TPRA1: variants seen among roughly 807,000 people sequenced by gnomAD.
TPRA1 encodes the protein transmembrane protein adipocyte associated 1.
A neutral mutation model predicts 40.1 loss-of-function variants in TPRA1; 28 were observed. The observed-to-expected ratio is 0.70, with a 90% confidence interval of 0.52 to 0.96. The LOEUF is 0.96. Ranked by LOEUF, TPRA1 falls within the 40% of genes least tolerant of loss-of-function variation. The pLI, the probability that TPRA1 is intolerant of heterozygous loss-of-function variation, is 0.00. For synonymous variants in TPRA1, 219 were observed against 209.7 expected (o/e 1.04, Z -0.38); for missense variants, 441 against 482.6 (o/e 0.91, Z 0.81).
At chr3:127,593,837 C>A (rs2107677971), upstream of TPRA1, among the ~76,000 whole-genome samples, 1 of 152,362 alleles carries the variant, frequency 6.6e-6, no homozygotes, top group South Asian at 2.1e-4. Flanking sequence ...CAGGGGCCAT[C>A]TGATCACCAC....
Position 127,573,415 on chromosome 3 carries a change from G to C in TPRA1, c.*106C>G. On this transcript the variant is annotated 3_prime_UTR_variant, in exon 11 of 11. Transcript: ENST00000355552. ...TCATGGTGGGAACAGGGCCACACAG[G>C]GCTACTGCCCACAGAACGTCCCTTG... The C allele has an allele frequency of 7.1e-7, 1 of 1,416,514 alleles. No individual in the cohort carries two copies. Among genetic ancestry groups the C allele is most frequent in the Non-Finnish European group, 9.4e-7 (1 of 1,067,556 alleles). 87.7% of individuals were successfully genotyped at this position (1,416,514 alleles called of 1,614,324 possible). A position where few individuals can be genotyped will look rare whatever the true frequency, so the allele number is the denominator to read the frequency against.
chr3:127,589,387 T>G (rs902660287), intron 1 of TPRA1, among the ~76,000 whole-genome samples: 1 of 149,038 alleles, frequency 6.7e-6, no homozygotes, highest in Non-Finnish European at 1.5e-5. Context: ...CACCGACGGG[T>G]TGTTGAGCTT....
intron 1 of TPRA1, among the ~76,000 whole-genome samples, chr3:127,589,286 T>C (rs2074095189): frequency 6.6e-6 from 1 of 152,058 alleles, no homozygotes. Context: ...CAGCTTTCCC[T>C]GCTCTCTCAT....
intron 1 of TPRA1, among the ~76,000 whole-genome samples, chr3:127,596,148 C>T (rs569368759): frequency 5.3e-5 from 8 of 151,948 alleles, no homozygotes; most frequent in South Asian, 2.1e-4. Context: ...GGCACAATTT[C>T]GGCTCACCGC....
intron 1 of TPRA1, among the ~76,000 whole-genome samples, chr3:127,588,888 C>T: frequency 6.6e-6 from 1 of 152,184 alleles, no homozygotes; most frequent in East Asian, 1.9e-4. Context: ...GGTCAGTCCT[C>T]AGCCTTCTCT....
At chr3:127,575,091 A>G in intron 10 of TPRA1, 94 bp downstream of exon 10, 1 of 1,402,172 alleles carries the variant, frequency 7.1e-7, no homozygotes, top group Non-Finnish European at 1.0e-6. Context: ...CTGTATGCAT[A>G]CACAGCCTCT....
intron 1 of TPRA1, among the ~76,000 whole-genome samples, chr3:127,584,059 A>G (rs576536427): frequency 6.6e-6 from 1 of 151,842 alleles, no homozygotes; most frequent in East Asian, 1.9e-4. Flanking sequence ...CACGGAACAG[A>G]GCAGACAAGG....
intron 1 of TPRA1, among the ~76,000 whole-genome samples, chr3:127,596,497 C>T (rs1411341670): frequency 1.3e-5 from 2 of 152,210 alleles, no homozygotes; most frequent in Admixed American, 1.3e-4. Flanking sequence ...TTGTTGGTGT[C>T]TCTTAACTGT....
In TPRA1 at chr3:127,575,422, C is replaced by T. The variant is rs748327009; in HGVS notation, c.754G>A (p.Asp252Asn). Reference sequence around the variant, plus strand: ...ACGCACCAGAGCCCCTCGATGATGTCGAAGCACAGCAGCACACTCCCCAGC... The same window carrying T: ...ACGCACCAGAGCCCCTCGATGATGTTGAAGCACAGCAGCACACTCCCCAGC... ...QGLGSVLLCF[D>N]IIEGLCCVDA... Residue 252 changes from aspartate (D) to asparagine (N), a missense_variant, in exon 9 of 11, where the codon GAC (aspartate) becomes AAC (asparagine). Transcript: ENST00000355552. The T allele has an allele frequency of 1.3e-6, 2 of 1,596,148 alleles. No individual in the cohort carries two copies. The highest frequency in any genetic ancestry group is 1.1e-5 in the South Asian group (1 of 88,840).
intron 1 of TPRA1, chr3:127,580,561 C>T (rs953989727): frequency 1.1e-5 from 2 of 178,470 alleles, no homozygotes; most frequent in East Asian, 3.1e-4. Context: ...TGTGTCCCCC[C>T]ACCATGGAAT....
upstream of TPRA1, chr3:127,595,556 C>G (rs1290933830): frequency 6.6e-6 from 1 of 152,348 alleles, no homozygotes; most frequent in African/African-American, 2.4e-5. Flanking sequence ...CAGATGACCT[C>G]TGGGCAGCCA....
At position 127,573,717 on chromosome 3, in the gene TPRA1, G is replaced by A. The variant is rs766402480; in HGVS notation, c.926C>T (p.Pro309Leu). ...CCGCCGGGCCACAGCGTAGGGCTGG[G>A]GTAGGTGTACATCTGGCTCCTCTGT... is the stretch of plus-strand genomic sequence containing the variant. ...DETEEPDVHL[P>L]QPYAVARREG... Residue 309 changes from proline (P) to leucine (L), a missense_variant, in exon 11 of 11, where the codon CCC (proline) becomes CTC (leucine). Physicochemically the swap from Pro to Leu is moderately conservative, Grantham distance 98. Coordinates refer to ENST00000355552, the MANE Select transcript of TPRA1 (RefSeq NM_001136053.4). 3.7e-6 allele frequency: 6 copies of A among 1,611,830 alleles called. No individual in the cohort carries two copies. In the African/African-American group the frequency reaches 4.0e-5, roughly 11 times the overall value.
rs923643997 is a variant in TPRA1, at chr3:127,572,400, T to C, written c.*1121A>G. 2.0e-5 allele frequency among the ~76,000 whole-genome samples: 3 copies of C among 152,198 alleles called. No individual in the cohort carries two copies. The highest frequency in any genetic ancestry group is 4.8e-5 in the African/African-American group (2 of 41,460). ...AACTGGCAGCAACTCCCTTTCACTC[T>C]GGCTGCCAAAAAGCTCAAAGCCGAA... On this transcript the variant is annotated 3_prime_UTR_variant, in exon 11 of 11. Transcript: ENST00000355552.
chr3:127,595,269 A>G (rs2074230143), upstream of TPRA1, among the ~76,000 whole-genome samples: 1 of 152,114 alleles, frequency 6.6e-6, no homozygotes, highest in Admixed American at 6.5e-5. Context: ...CAGTGTTTAA[A>G]CATGTCCAAG....
In TPRA1 at chr3:127,580,031, C is replaced by T; in HGVS notation, c.116G>A (p.Gly39Asp). 2 of 1,613,696 alleles carry T rather than the reference C, an allele frequency of 1.2e-6. No homozygotes were observed. Among genetic ancestry groups the T allele is most frequent in the East Asian group, 4.5e-5 (2 of 44,872 alleles). ...GTTGTGACTGCCTCACCTGGAGGTG[C>T]CAATGTCTTCGTAGAGCAGCAGCAG... is the stretch of plus-strand genomic sequence containing the variant. Reference protein sequence around the residue: ...RCLLLLYEDIGTSRVRYWDLL... With the variant: ...RCLLLLYEDIDTSRVRYWDLL... The change falls in exon 2 of 11, where the codon GGC (glycine) becomes GAC (aspartate). Residue 39 changes from glycine to aspartate, a missense_variant. Coordinates refer to ENST00000355552, the MANE Select transcript of TPRA1 (RefSeq NM_001136053.4).
At position 127,576,072 on chromosome 3, in the gene TPRA1, GAGGA is replaced by G; in HGVS notation, c.499-26_499-23del. 1 of 1,567,732 alleles carries G rather than the reference GAGGA, an allele frequency of 6.4e-7. No homozygotes were observed. On this transcript the variant is annotated intron_variant, in intron 6 of 10. Coordinates refer to ENST00000355552, the MANE Select transcript of TPRA1 (RefSeq NM_001136053.4). This position sits in a 1 kb window ranked among gnomAD's most constrained non-coding sequence, Gnocchi z 4.6. ...TCCCCTGCAGGGGCAAGCAGGAAGG[GAGGA>G]AGGGAGAGGATCTCAAGGCTTCTCT... is the stretch of plus-strand genomic sequence containing the variant.
intron 10 of TPRA1, chr3:127,574,886 G>T: frequency 2.2e-6 from 1 of 464,386 alleles, no homozygotes; most frequent in Non-Finnish European, 4.0e-6. Flanking sequence ...GTGCATGTTT[G>T]TGTGCATATG....
chr3:127,573,979 C>T (rs925646288), intron 10 of TPRA1, among the ~76,000 whole-genome samples, 191 bp from the exon 11 acceptor site: 1 of 152,118 alleles, frequency 6.6e-6, no homozygotes, highest in Non-Finnish European at 1.5e-5. Context: ...CCTCCTCCCC[C>T]TGGCTGTGTG....
upstream of TPRA1, among the ~76,000 whole-genome samples, chr3:127,593,597 AAAC>A (rs2095410319): frequency 6.6e-6 from 1 of 152,178 alleles, no homozygotes; most frequent in South Asian, 2.1e-4. Context: ...GCAAGCACAT[AAAC>A]AACATCACAC....
Sources: allele counts gnomAD v4.1 joint callset (sites outside exome capture counted in the v4.1 genomes callset), GRCh38; gene constraint gnomAD v4.1.1; non-coding constraint Gnocchi (gnomAD v3.1); transcripts MANE v1.5; gene names NCBI Gene and HGNC (gene_info 2026-07-23, HGNC 2026-07-21).